The following ALMS1 variants were observed in gnomAD, a reference collection of about 807,000 sequenced individuals.
ALMS1 encodes the protein ALMS1 centrosome and basal body associated protein, also known as centrosome-associated protein ALMS1.
ALMS1 carries 271 observed loss-of-function variants against 352.2 expected under a neutral mutation model. The observed-to-expected ratio is 0.77, with a 90% CI of 0.70 to 0.85. The LOEUF is 0.85. Ranked by LOEUF, ALMS1 falls within the 40% of genes least tolerant of loss-of-function variation. The pLI is 0.00. For synonymous variants in ALMS1, 1,865 were observed against 1,761.2 expected (o/e 1.06, Z -1.48); for missense variants, 5,445 against 4,870.7 (o/e 1.12, Z -3.51).
At chr2:73,564,545 A>G (rs1361344364) in intron 15 of ALMS1, among the ~76,000 whole-genome samples, 3 of 151,938 alleles carry the variant, frequency 2.0e-5, no homozygotes, top group Non-Finnish European at 2.9e-5. Context: ...ATCAACCATC[A>G]CCATAATCAA....
Position 73,561,710 on chromosome 2 carries a change from G to T in ALMS1, c.10384+2568G>T, listed in dbSNP as rs191182134. On this transcript the variant is annotated intron_variant, in intron 15 of 22. Transcript: ENST00000613296. ...TGTACACTTAAAAATGGCTAAGGTGGTTAATTTAATGTCATACTATTTGTC... is the reference window on the plus strand; with the variant it reads ...TGTACACTTAAAAATGGCTAAGGTGTTTAATTTAATGTCATACTATTTGTC... 6.9e-3 allele frequency among the ~76,000 whole-genome samples: 1,008 copies of T among 146,736 alleles called. 3 individuals are homozygous for T. The highest frequency in any genetic ancestry group is 0.01 in the Non-Finnish European group (695 of 67,988).
chr2:73,397,786 C>T (rs1670792945), intron 1 of ALMS1, among the ~76,000 whole-genome samples: 2 of 152,116 alleles, frequency 1.3e-5, no homozygotes, highest in South Asian at 4.2e-4. Context: ...TCTTTTAGGG[C>T]AGTTTTAGGT....
intron 9 of ALMS1, among the ~76,000 whole-genome samples, chr2:73,482,184 T>G (rs1047690862): frequency 1.3e-5 from 2 of 152,246 alleles, no homozygotes; most frequent in African/African-American, 2.4e-5. Context: ...TTCCAGTTTT[T>G]GGGCATTCAG....
At chr2:73,543,149 T>C (rs953106779) in intron 12 of ALMS1, among the ~76,000 whole-genome samples, 29 of 152,190 alleles carry the variant, frequency 1.9e-4, no homozygotes, top group Non-Finnish European at 5.9e-5. Context: ...AACAGCATGG[T>C]ACTGGTACCA....
Position 73,457,498 on chromosome 2 carries a change from C to T in ALMS1, c.7674+2203C>T, listed in dbSNP as rs570945798. 2.0e-5 allele frequency among the ~76,000 whole-genome samples: 3 copies of T among 152,234 alleles called. No homozygotes were observed. The East Asian group carries it at 5.8e-4, about 29-fold the overall frequency. ...CCTCAAGTGATCCGCCTGCCTCGGC[C>T]TCCCAAAATGCTGGGATTACAGGCC... On this transcript the variant is annotated intron_variant, in intron 9 of 22. Transcript: ENST00000613296.
At chr2:73,520,384 G>T (rs532806186) in intron 11 of ALMS1, among the ~76,000 whole-genome samples, 1 of 152,244 alleles carries the variant, frequency 6.6e-6, no homozygotes, top group East Asian at 1.9e-4. Context: ...TTACTATATA[G>T]TGCGTATATA....
chr2:73,434,166 T>C (rs750964262), intron 7 of ALMS1, among the ~76,000 whole-genome samples: 16 of 152,138 alleles, frequency 1.1e-4, no homozygotes, highest in Non-Finnish European at 2.2e-4. Flanking sequence ...TGGGTTTAGT[T>C]TGTGCTTTTA....
chr2:73,422,858 C>A lies in ALMS1; in HGVS notation c.648C>A (p.Val216=). The A allele has an allele frequency of 1.2e-6, 2 of 1,608,654 alleles. No individual in the cohort carries two copies. The highest frequency in any genetic ancestry group is 2.2e-5 in the South Asian group (2 of 90,898). The stretch of plus-strand genomic sequence containing the variant: ...CATTTAATATTTGAAACTTTACAGT[C>A]ATACAAGATAGCTTTGCTTCTCCTG... ...NRDLFCSPLL[V]IQDSFASPDL... The change falls in exon 4 of 23, where the codon GTC becomes GTA. Residue 216 remains valine, a splice_region_variant and synonymous_variant. Transcript: ENST00000613296.
intron 16 of ALMS1, among the ~76,000 whole-genome samples, chr2:73,592,704 T>C (rs547509081): frequency 1.3e-5 from 2 of 152,212 alleles, no homozygotes; most frequent in Non-Finnish European, 2.9e-5. Flanking sequence ...ATGTTGGATA[T>C]GTTTTTCTAA....
At chr2:73,576,451 G>T (rs1675055682) in intron 16 of ALMS1, among the ~76,000 whole-genome samples, 1 of 151,806 alleles carries the variant, frequency 6.6e-6, no homozygotes, top group Non-Finnish European at 1.5e-5. Context: ...TTGCAGCTTT[G>T]CTGAATTTAT....
At position 73,572,711 on chromosome 2, in the gene ALMS1, C is replaced by G. The variant is rs756345976; in HGVS notation, c.10834C>G (p.Gln3612Glu). ...WNKYRERQRQQRQPELGDRKE... is the reference protein window; with the variant it reads ...WNKYRERQRQERQPELGDRKE... The stretch of plus-strand genomic sequence containing the variant: ...CAAGTATCGGGAGCGACAGAGGCAA[C>G]AGAGACAGCCTGAGTTGGGTGACAG... The change falls in exon 16 of 23, where the codon CAG becomes GAG. Residue 3612 changes from glutamine (Q) to glutamate (E), a missense_variant. Gln to Glu is a conservative substitution (Grantham distance 29). Coordinates refer to ENST00000613296, the MANE Select transcript of ALMS1 (RefSeq NM_001378454.1). The G allele has an allele frequency of 1.9e-6, 3 of 1,614,074 alleles. No homozygotes were observed. The South Asian group carries it at 3.3e-5, about 18-fold the overall frequency.
At chr2:73,537,671 A>G (rs945409901) in intron 12 of ALMS1, among the ~76,000 whole-genome samples, 4 of 152,182 alleles carry the variant, frequency 2.6e-5, no homozygotes, top group Non-Finnish European at 4.4e-5. Context: ...AAACCCTGAG[A>G]TGGAAGTAGA....
Position 73,449,661 on chromosome 2 carries a change from T to C in ALMS1, c.3134T>C (p.Val1045Ala). The C allele has an allele frequency of 6.2e-7, 1 of 1,613,978 alleles. No homozygotes were observed. The highest frequency in any genetic ancestry group is 8.5e-7 in the Non-Finnish European group (1 of 1,179,906). ...PADQKTEIPAVQSSSYPQREK... is the reference protein window; with the variant it reads ...PADQKTEIPAAQSSSYPQREK... ...GACCAGAAGACTGAGATACCAGCAGTACAGTCTAGTTCTTACCCACAGAGG... is the reference window on the plus strand; with the variant it reads ...GACCAGAAGACTGAGATACCAGCAGCACAGTCTAGTTCTTACCCACAGAGG... The change falls in exon 8 of 23, where the codon GTA becomes GCA. Residue 1045 changes from valine (V) to alanine (A), a missense_variant. Transcript: ENST00000613296.
rs545659317 is a variant in ALMS1 at position 73,571,866 on chromosome 2, A to G, written c.10385-396A>G. On this transcript the variant is annotated intron_variant, in intron 15 of 22. Transcript: ENST00000613296. ...GAAGTGTCAGGTTTCTTAGCTGAATATGGGGTTACCAATATCTGTCAGGTT... is the reference window on the plus strand; with the variant it reads ...GAAGTGTCAGGTTTCTTAGCTGAATGTGGGGTTACCAATATCTGTCAGGTT... Among the ~76,000 whole-genome samples, 5 of 152,236 alleles carry G rather than the reference A, an allele frequency of 3.3e-5. No individual in the cohort carries two copies. In the East Asian group the frequency reaches 9.6e-4, roughly 29 times the overall value.
intron 16 of ALMS1, among the ~76,000 whole-genome samples, chr2:73,578,795 T>TA (rs1293935492): frequency 6.6e-6 from 1 of 152,176 alleles, no homozygotes; most frequent in East Asian, 1.9e-4. Context: ...ATTCGTTTTT[T>TA]AAATCAGATA....
rs1192691761 is a variant in ALMS1, at chr2:73,596,289, A to G, written c.11548-3112A>G. On this transcript the variant is annotated intron_variant, in intron 16 of 22. Coordinates refer to ENST00000613296, the MANE Select transcript of ALMS1 (RefSeq NM_001378454.1). ...TCCATTTTTAGTGCATTTTTTGTGT[A>G]CGGTGTGTTGTCTAACTTCATCTCT... Among the ~76,000 whole-genome samples the G allele has an allele frequency of 3.3e-5, 5 of 152,130 alleles. No individual in the cohort carries two copies. The East Asian group carries it at 9.6e-4, about 29-fold the overall frequency.
intron 10 of ALMS1, among the ~76,000 whole-genome samples, chr2:73,498,690 T>C (rs1437852576): frequency 6.6e-6 from 1 of 152,228 alleles, no homozygotes; most frequent in Non-Finnish European, 1.5e-5. Context: ...ATGCCTGGTT[T>C]ATTTCATTTA....
At chr2:73,588,843 G>T (rs531279315) in intron 16 of ALMS1, among the ~76,000 whole-genome samples, 1 of 152,180 alleles carries the variant, frequency 6.6e-6, no homozygotes, top group African/African-American at 2.4e-5. Flanking sequence ...ATATATTTTT[G>T]TAAAATGGAG....
At chr2:73,431,583 G>A (rs1471725025) in intron 6 of ALMS1, among the ~76,000 whole-genome samples, 6 of 152,208 alleles carry the variant, frequency 3.9e-5, no homozygotes, top group African/African-American at 1.4e-4. Flanking sequence ...GAAACATTAG[G>A]AACTTCTTTT....
Sources: allele counts gnomAD v4.1 joint callset (sites outside exome capture counted in the v4.1 genomes callset), GRCh38; gene constraint gnomAD v4.1.1; transcripts MANE v1.5; gene names NCBI Gene and HGNC (gene_info 2026-07-23, HGNC 2026-07-21).